Variants in SLC8A1 observed in about 807,000 individuals in gnomAD.
SLC8A1 encodes solute carrier family 8 member A1.
Under a neutral mutation model 68.3 loss-of-function variants are expected in SLC8A1, and 18 were observed. The ratio of observed to expected loss-of-function variants is 0.26; its 90% CI spans 0.18 to 0.39. The LOEUF is 0.39. Among genes scored for constraint, SLC8A1 ranks in the 10% least tolerant of loss-of-function variants. The pLI is 1.00. For synonymous variants in SLC8A1, 475 were observed against 415.5 expected (o/e 1.14, Z -1.74); for missense variants, 985 against 1,156.7 (o/e 0.85, Z 2.15).
intron 2 of SLC8A1, among the ~76,000 whole-genome samples, chr2:40,403,878 C>T: frequency 6.6e-6 from 1 of 152,110 alleles, no homozygotes; most frequent in East Asian, 1.9e-4. Flanking sequence ...CCTGACAGTG[C>T]CATATGTACC....
At chr2:40,387,336 G>A (rs1373290570) in intron 2 of SLC8A1, among the ~76,000 whole-genome samples, 6 of 151,382 alleles carry the variant, frequency 4.0e-5, no homozygotes, top group Admixed American at 6.6e-5. Context: ...AGAAGCAAAG[G>A]AGATAACAAA....
exon 5 of SLC8A1, chr2:40,164,937 T>G: frequency 1.2e-6 from 2 of 1,613,950 alleles, no homozygotes; most frequent in Non-Finnish European, 1.7e-6. Context: ...GCAATGCGCC[T>G]CTCCTCTTCC....
chr2:40,383,187 C>T (rs7424049), intron 2 of SLC8A1, among the ~76,000 whole-genome samples: 111,665 of 152,018 alleles, frequency 0.73, 42,391 homozygotes, highest in African/African-American at 0.93. Context: ...AGATAATAAA[C>T]ATAAATCATG....
Position 40,351,945 on chromosome 2 carries a change from G to A in SLC8A1, c.1808+76528C>T, listed in dbSNP as rs1262931529. ...GACCACTCCTATGTTATTTAAAACAGGGTATATGTGCATTCATAAAGAATC... is the reference window on the plus strand; with the variant it reads ...GACCACTCCTATGTTATTTAAAACAAGGTATATGTGCATTCATAAAGAATC... On this transcript the variant is annotated intron_variant, in intron 2 of 7. Transcript: ENST00000406785. Among the ~76,000 whole-genome samples, 3 of 152,152 alleles carry A rather than the reference G, an allele frequency of 2.0e-5. 1 individual carries two copies. Among genetic ancestry groups the A allele is most frequent in the East Asian group, 3.9e-4 (2 of 5,186 alleles).
chr2:40,131,449 G>A (rs904120364), intron 7 of SLC8A1, among the ~76,000 whole-genome samples: 2 of 152,178 alleles, frequency 1.3e-5, no homozygotes, highest in Non-Finnish European at 1.5e-5. Flanking sequence ...TCCTTCAAGG[G>A]AGCTCAGAAT....
chr2:40,151,666 T>C (rs979544973), intron 6 of SLC8A1, among the ~76,000 whole-genome samples: 1 of 152,126 alleles, frequency 6.6e-6, no homozygotes, highest in Non-Finnish European at 1.5e-5. Flanking sequence ...AACACGTAGA[T>C]TAAAAAAAGA....
At chr2:40,418,990 GA>G (rs1694715316) in intron 2 of SLC8A1, among the ~76,000 whole-genome samples, 1 of 152,188 alleles carries the variant, frequency 6.6e-6, no homozygotes, top group African/African-American at 2.4e-5. Flanking sequence ...CTGAGAGAAG[GA>G]GGCCAAAGAA....
chr2:40,272,925 A>G (rs2066228090), intron 2 of SLC8A1, among the ~76,000 whole-genome samples: 1 of 152,090 alleles, frequency 6.6e-6, no homozygotes, highest in Non-Finnish European at 1.5e-5. Context: ...ATGTAGGGAC[A>G]TGCACACACT....
intron 2 of SLC8A1, among the ~76,000 whole-genome samples, chr2:40,384,091 T>C (rs1682804669): frequency 6.7e-6 from 1 of 149,110 alleles, no homozygotes; most frequent in African/African-American, 2.6e-5. Flanking sequence ...CAAGAGCCCA[T>C]CTCTACAGTT....
At chr2:40,315,777 A>G (rs1200104063) in intron 2 of SLC8A1, among the ~76,000 whole-genome samples, 1 of 152,050 alleles carries the variant, frequency 6.6e-6, no homozygotes, top group Non-Finnish European at 1.5e-5. Context: ...CCAGAGATAG[A>G]AATTTATCTA....
intron 1 of SLC8A1, among the ~76,000 whole-genome samples, chr2:40,462,918 A>G (rs1703429325): frequency 6.6e-6 from 1 of 152,212 alleles, no homozygotes; most frequent in Non-Finnish European, 1.5e-5. Context: ...TATGATAGAT[A>G]AAAATTATTC....
intron 2 of SLC8A1, among the ~76,000 whole-genome samples, chr2:40,351,020 C>T (rs984856904): frequency 3.3e-5 from 5 of 152,120 alleles, no homozygotes; most frequent in East Asian, 1.9e-4. Flanking sequence ...ATCCCATTGC[C>T]TATAATGCAA....
intron 2 of SLC8A1, among the ~76,000 whole-genome samples, chr2:40,232,677 G>A (rs1193229383): frequency 7.4e-6 from 1 of 134,734 alleles, no homozygotes; most frequent in African/African-American, 2.8e-5. Context: ...GTATACATGT[G>A]CCATGCTGGT....
chr2:40,404,645 C>T (rs993414475), intron 2 of SLC8A1, among the ~76,000 whole-genome samples: 1 of 152,152 alleles, frequency 6.6e-6, no homozygotes, highest in Non-Finnish European at 1.5e-5. Flanking sequence ...GACCATTGGT[C>T]TGACTTAGGG....
intron 2 of SLC8A1, among the ~76,000 whole-genome samples, chr2:40,230,895 T>G (rs747137020): frequency 6.6e-6 from 1 of 152,202 alleles, no homozygotes; most frequent in Non-Finnish European, 1.5e-5. Context: ...TCTGCTGCCA[T>G]CTATGTGGAA....
chr2:40,297,610 A>G (rs1371104504), intron 2 of SLC8A1, among the ~76,000 whole-genome samples: 5 of 152,212 alleles, frequency 3.3e-5, no homozygotes, highest in Non-Finnish European at 5.9e-5. Flanking sequence ...TTACTTATCT[A>G]AAGACTTAAC....
chr2:40,181,590 C>A (rs2049577166), intron 2 of SLC8A1, among the ~76,000 whole-genome samples: 1 of 152,130 alleles, frequency 6.6e-6, no homozygotes. Flanking sequence ...ATATTGATTT[C>A]ACTCCTCTTG....
At chr2:40,136,714 AT>A (rs1170326598) in intron 7 of SLC8A1, among the ~76,000 whole-genome samples, 2 of 152,142 alleles carry the variant, frequency 1.3e-5, no homozygotes, top group Non-Finnish European at 2.9e-5. Context: ...CAATAGCATC[AT>A]TTTTCTTAGG....
intron 2 of SLC8A1, among the ~76,000 whole-genome samples, chr2:40,252,948 TAC>T (rs1349199330): frequency 1.7e-4 from 21 of 125,974 alleles, no homozygotes; most frequent in South Asian, 4.6e-4. Flanking sequence ...TGTACATATA[TAC>T]ATATGTGTGT....
Sources: gnomAD v4.1 joint callset for allele counts (sites outside exome capture counted in the v4.1 genomes callset) on GRCh38, gnomAD v4.1.1 for gene constraint, MANE v1.5 for transcripts, NCBI Gene and HGNC (gene_info 2026-07-23, HGNC 2026-07-21) for gene names.